Variants in DMBT1 observed in about 807,000 individuals in gnomAD.
The protein encoded by DMBT1 is scavenger receptor cysteine-rich domain-containing protein DMBT1.
A neutral mutation model predicts 252.9 loss-of-function variants in DMBT1; 198 were observed. The observed-to-expected ratio is 0.78, with a 90% CI of 0.70 to 0.88. The LOEUF (loss-of-function observed/expected upper bound fraction) is 0.88. Ranked by LOEUF, DMBT1 falls within the 40% of genes least tolerant of loss-of-function variation. The pLI is 0.00. For synonymous variants in DMBT1, 990 were observed against 942.7 expected, an observed-to-expected ratio of 1.05 and a Z score of -0.92; for missense variants, 2,432 against 2,404.7, an observed-to-expected ratio of 1.01 and a Z score of -0.24.
chr10:122,618,144 C>T lies in DMBT1; in HGVS notation c.5019C>T (p.Asn1673=), dbSNP rs59879555. 18,621 of 1,613,906 alleles carry T rather than the reference C, an allele frequency of 0.012. 1,092 individuals are homozygous for T. In the South Asian group the frequency reaches 0.14, roughly 12 times the overall value. Residue 1673 remains asparagine, a synonymous_variant, in exon 41 of 56, where the codon AAC becomes AAT. Coordinates refer to ENST00000338354, the MANE Select transcript of DMBT1 (RefSeq NM_001377530.1). ...CDDYWDTNDA[N]VVCRQLGCGW... ...ACTACTGGGACACCAATGATGCCAACGTGGTCTGCAGGCAGCTGGGCTGTG... is the reference window on the plus strand; with the variant it reads ...ACTACTGGGACACCAATGATGCCAATGTGGTCTGCAGGCAGCTGGGCTGTG...
In DMBT1 at chr10:122,587,827, A is replaced by G. The variant is rs749598498; in HGVS notation, c.1784-1117A>G. Reference sequence around the variant, plus strand: ...AGCTGTAACAATCAGAGGCTCAGCAATGGTGTCAGATGTGTCCATTAGTCC... The same window carrying G: ...AGCTGTAACAATCAGAGGCTCAGCAGTGGTGTCAGATGTGTCCATTAGTCC... On this transcript the variant is annotated intron_variant, in intron 16 of 55. Coordinates refer to ENST00000338354, the MANE Select transcript of DMBT1 (RefSeq NM_001377530.1). Among the ~76,000 whole-genome samples, 2 of 148,514 alleles carry G rather than the reference A, an allele frequency of 1.3e-5. 1 individual carries two copies.
At chr10:122,642,977 C>A in intron 55 of DMBT1, 145 bp from the exon 56 acceptor site, 1 of 1,103,402 alleles carries the variant, frequency 9.1e-7, no homozygotes, top group Non-Finnish European at 1.3e-6. Context: ...AGTGTCTGAT[C>A]CACACGTTCT....
At chr10:122,617,937 A>C in intron 40 of DMBT1, 80 bp from the exon 41 acceptor site, 1 of 1,588,026 alleles carries the variant, frequency 6.3e-7, no homozygotes, top group South Asian at 1.2e-5. Flanking sequence ...GCCATTAGGA[A>C]GTACCCTGAG....
rs572941989 is a variant in DMBT1, at chr10:122,632,886, A to G, written c.6393A>G (p.Pro2131=). 3 of 1,613,870 alleles carry G rather than the reference A, an allele frequency of 1.9e-6. No homozygotes were observed. Among genetic ancestry groups the G allele is most frequent in the South Asian group, 1.1e-5 (1 of 91,018 alleles). ...CTCCTTTTCTCAACATCACCCGTCCAAACAGTAAGTTCTGAGCTCCCTGAC... is the reference window on the plus strand; with the variant it reads ...CTCCTTTTCTCAACATCACCCGTCCGAACAGTAAGTTCTGAGCTCCCTGAC... ...TPAPFLNITR[P]NTDYSCGGFL... Residue 2131 remains proline, a synonymous_variant, in exon 51 of 56, where the codon CCA becomes CCG. Coordinates refer to ENST00000338354, the MANE Select transcript of DMBT1 (RefSeq NM_001377530.1).
intron 1 of DMBT1, among the ~76,000 whole-genome samples, chr10:122,562,642 C>A (rs1329902986): frequency 6.6e-6 from 1 of 152,230 alleles, no homozygotes; most frequent in East Asian, 1.9e-4. Context: ...ATTGCCTCGT[C>A]TTTATCTACA....
chr10:122,591,616 CT>C lies in DMBT1; in HGVS notation c.2176+104del. 3.1e-6 allele frequency: 4 copies of C among 1,300,374 alleles called. 1 individual carries two copies. The highest frequency in any genetic ancestry group is 2.5e-5 in the East Asian group (1 of 39,990). The allele number at this position is 1,300,374 out of a possible 1,614,324, so 80.6% of individuals were successfully genotyped here. A position where few individuals can be genotyped will look rare whatever the true frequency, so the allele number is the denominator to read the frequency against. ...GATGAGGGTCAAGGTGGGCCCCTGT[CT>C]TTTTCACATCCCTGTGCGCTGAGTG... On this transcript the variant is annotated intron_variant, in intron 19 of 55. Transcript: ENST00000338354.
intron 46 of DMBT1, among the ~76,000 whole-genome samples, chr10:122,628,962 TAAAC>T (rs2098137917): frequency 1.3e-5 from 2 of 152,076 alleles, no homozygotes; most frequent in East Asian, 1.9e-4. Context: ...TTAGAAAAAG[TAAAC>T]AAAGAGTTAT....
In DMBT1 at chr10:122,599,068, A is replaced by C. The variant is rs775018332; in HGVS notation, c.3251A>C (p.His1084Pro). The C allele has an allele frequency of 6.2e-7, 1 of 1,613,844 alleles. No individual in the cohort carries two copies. The highest frequency in any genetic ancestry group is 2.2e-5 in the East Asian group (1 of 44,884). ...GGCTGGCTCTCCCACAACTGTGGCC[A>C]TAGTGAAGACGCTGGTGTCATCTGC... is the stretch of plus-strand genomic sequence containing the variant. ...HNGWLSHNCG[H>P]SEDAGVICSA... is the part of the protein sequence containing the mutation. Residue 1084 changes from histidine to proline, a missense_variant, in exon 26 of 56, where the codon CAT becomes CCT. By Grantham distance (77) the His-to-Pro change is moderately conservative. Transcript: ENST00000338354.
rs1028264761 is a variant in DMBT1 at position 122,580,892 on chromosome 10, C to A, written c.1030C>A (p.Pro344Thr). 3.1e-6 allele frequency: 5 copies of A among 1,613,752 alleles called. No individual in the cohort carries two copies. In the Admixed American group the frequency reaches 5.0e-5, roughly 16 times the overall value. Residue 344 changes from proline (P) to threonine (T), a missense_variant, in exon 11 of 56, where the codon CCA becomes ACA. Physicochemically the swap from Pro to Thr is conservative, Grantham distance 38. Around this residue, in one of 3 missense-constraint regions of DMBT1, gnomAD observed 1,264 missense variants for 1,082.2 expected, o/e 1.17. Transcript: ENST00000338354. ...TCCCCAGTCCCGGCCGACACCCAGC[C>A]CAGGTAGGTCCCCAGTGTCCTTCCT... Reference protein sequence around the residue: ...SAPQSRPTPSPDTWPTSHAST... With the variant: ...SAPQSRPTPSTDTWPTSHAST...
chr10:122,586,531 G>A (rs2097791194), intron 16 of DMBT1, 148 bp downstream of exon 16: 2 of 1,329,258 alleles, frequency 1.5e-6, no homozygotes, highest in African/African-American at 1.4e-5. Context: ...AACCGCATGA[G>A]TCTTCACCAC....
chr10:122,620,396 A>T, intron 43 of DMBT1, 105 bp downstream of exon 43: 1 of 1,403,506 alleles, frequency 7.1e-7, no homozygotes, highest in Non-Finnish European at 1.0e-6. Context: ...TCTGTTTTTC[A>T]TGTTTCCGCG....
At chr10:122,575,152 A>C (rs2097700991) in intron 6 of DMBT1, among the ~76,000 whole-genome samples, 2 of 152,188 alleles carry the variant, frequency 1.3e-5, no homozygotes, top group South Asian at 4.1e-4. Flanking sequence ...AAACAAGGCA[A>C]GTATGCCCTC....
rs199939508 is a variant in DMBT1, at chr10:122,584,471, C to T, written c.1420+120C>T. On this transcript the variant is annotated intron_variant, in intron 14 of 55. Coordinates refer to ENST00000338354, the MANE Select transcript of DMBT1 (RefSeq NM_001377530.1). ...AATACTACATGGCATACAATTTTCC[C>T]CTGCTCTGTAACTGAGACCCTGGAA... 3.2e-4 allele frequency: 105 copies of T among 325,282 alleles called. 5 individuals carry two copies. The East Asian group carries it at 5.9e-3, about 18-fold the overall frequency. 20.1% of individuals were successfully genotyped at this position (325,282 alleles called of 1,614,324 possible). A position where few individuals can be genotyped will look rare whatever the true frequency, so the allele number is the denominator to read the frequency against.
chr10:122,619,464 A>G lies in DMBT1; in HGVS notation c.5245+127A>G, dbSNP rs560890075. The G allele has an allele frequency of 1.7e-5, 21 of 1,239,772 alleles. No individual in the cohort carries two copies. The African/African-American group carries it at 3.1e-4, about 18-fold the overall frequency. The allele number at this position is 1,239,772 out of a possible 1,614,324, so 76.8% of individuals were successfully genotyped here. A position where few individuals can be genotyped will look rare whatever the true frequency, so the allele number is the denominator to read the frequency against. Reference sequence around the variant, plus strand: ...GGGGCATATTATTTTTCCTCCCACCACTCTGTAACTGAGACCCCAGCATAG... The same window carrying G: ...GGGGCATATTATTTTTCCTCCCACCGCTCTGTAACTGAGACCCCAGCATAG... On this transcript the variant is annotated intron_variant, in intron 42 of 55. Transcript: ENST00000338354.
chr10:122,566,562 G>A (rs1236310240), intron 2 of DMBT1, among the ~76,000 whole-genome samples: 3 of 152,086 alleles, frequency 2.0e-5, no homozygotes, highest in South Asian at 2.1e-4. Context: ...CACCCACCTC[G>A]GCCTCCCAAA....
Position 122,598,777 on chromosome 10 carries a change from C to G in DMBT1, c.2960C>G (p.Ser987Cys). Residue 987 changes from serine to cysteine, a missense_variant, in exon 26 of 56, where the codon TCT (serine) becomes TGT (cysteine). Ser to Cys is a moderately radical substitution (Grantham distance 112). Coordinates refer to ENST00000338354, the MANE Select transcript of DMBT1 (RefSeq NM_001377530.1). ...GGATTCTTGTGTTCCCCTGTAGGAT[C>G]TGAATCCAGTTTGGCCCTGAGGCTG... ...TITLPASTVG[S>C]ESSLALRLVN... is the part of the protein sequence containing the mutation. The G allele has an allele frequency of 6.2e-7, 1 of 1,613,090 alleles. No homozygotes were observed. The highest frequency in any genetic ancestry group is 2.2e-5 in the East Asian group (1 of 44,878).
intron 1 of DMBT1, among the ~76,000 whole-genome samples, chr10:122,562,428 G>A (rs2097556270): frequency 6.6e-6 from 1 of 152,182 alleles, no homozygotes; most frequent in Admixed American, 6.5e-5. Context: ...CCCCTGTGAT[G>A]AGTGTGTGGA....
chr10:122,585,691 C>A (rs1293967851), intron 15 of DMBT1, among the ~76,000 whole-genome samples: 1 of 148,622 alleles, frequency 6.7e-6, no homozygotes, highest in South Asian at 2.3e-4. Context: ...CCTTGTCATA[C>A]CTGTGAAATT....
At chr10:122,627,562 G>C (rs1407596973) in intron 46 of DMBT1, among the ~76,000 whole-genome samples, 3 of 152,040 alleles carry the variant, frequency 2.0e-5, no homozygotes, top group Admixed American at 6.5e-5. Context: ...ACTAATTGTG[G>C]GGCAAAAACA....
Sources: gnomAD v4.1 joint callset for allele counts (sites outside exome capture counted in the v4.1 genomes callset) on GRCh38, gnomAD v4.1.1 for gene constraint, gnomAD v4.1.1 regional missense constraint, MANE v1.5 for transcripts, NCBI Gene and HGNC (gene_info 2026-07-23, HGNC 2026-07-21) for gene names.